Variants in CNTLN observed in about 807,000 individuals in gnomAD.
CNTLN encodes the protein centlein.
Under a neutral mutation model 180.0 loss-of-function variants are expected in CNTLN, and 212 were observed. The observed-to-expected ratio is 1.18, with a 90% CI of 1.05 to 1.32. CNTLN has a LOEUF of 1.32. Among genes scored for constraint, CNTLN ranks in the 40% most tolerant of loss-of-function variants. CNTLN has a pLI of 0.00. For synonymous variants in CNTLN, 722 were observed against 563.1 expected (o/e 1.28, Z -3.99); for missense variants, 2,095 against 1,610.9 (o/e 1.30, Z -5.14).
chr9:17,175,002 C>T lies in CNTLN; in HGVS notation c.449+31626C>T, dbSNP rs1272806225. 2.0e-5 allele frequency among the ~76,000 whole-genome samples: 3 copies of T among 152,164 alleles called. No individual in the cohort carries two copies. The East Asian group carries it at 5.8e-4, about 29-fold the overall frequency. On this transcript the variant is annotated intron_variant, in intron 2 of 25. Transcript: ENST00000380647. The stretch of plus-strand genomic sequence containing the variant: ...TTCCTATTTGGATTTCAAAAAATTA[C>T]TGTTGAGTTTTCAAAGTTCTTTTCA...
intron 18 of CNTLN, among the ~76,000 whole-genome samples, chr9:17,438,339 G>C (rs1252781701): frequency 1.3e-5 from 2 of 151,974 alleles, no homozygotes; most frequent in Non-Finnish European, 2.9e-5. Context: ...GAAATAGAAA[G>C]TTTTTTAAAA....
At chr9:17,506,528 G>A (rs939561169), downstream of CNTLN, among the ~76,000 whole-genome samples, 6 of 152,100 alleles carry the variant, frequency 3.9e-5, no homozygotes, top group Non-Finnish European at 7.4e-5. Flanking sequence ...ATGGGACAGC[G>A]GAAAGAGTGA....
chr9:17,135,050 G>A lies in CNTLN; in HGVS notation c.-16G>A, dbSNP rs757147321. On this transcript the variant is annotated 5_prime_UTR_variant, in exon 1 of 26. Coordinates refer to ENST00000380647, the MANE Select transcript of CNTLN (RefSeq NM_017738.4). ...GAGTTTCCAACAGGGAACTTGACCC[G>A]TTAGCAGCCGCAGCCATGGCGGCGC... is the stretch of plus-strand genomic sequence containing the variant. 8 of 1,588,556 alleles carry A rather than the reference G, an allele frequency of 5.0e-6. No individual in the cohort carries two copies. In the Admixed American group the frequency reaches 5.1e-5, roughly 10 times the overall value.
chr9:17,389,338 G>A (rs1394406163), intron 14 of CNTLN, among the ~76,000 whole-genome samples: 1 of 152,008 alleles, frequency 6.6e-6, no homozygotes, highest in Non-Finnish European at 1.5e-5. Flanking sequence ...GTTCACACTA[G>A]CTTATCACCG....
intron 15 of CNTLN, among the ~76,000 whole-genome samples, chr9:17,408,782 C>G (rs560405426): frequency 3.6e-5 from 5 of 138,710 alleles, no homozygotes; most frequent in African/African-American, 1.1e-4. Flanking sequence ...GCCTGGGTGA[C>G]AGAGCGAGAC....
At chr9:17,397,993 T>G (rs1826667260) in intron 15 of CNTLN, among the ~76,000 whole-genome samples, 1 of 152,046 alleles carries the variant, frequency 6.6e-6, no homozygotes, top group African/African-American at 2.4e-5. Context: ...GACAAAAATA[T>G]AAGAGTTACT....
downstream of CNTLN, among the ~76,000 whole-genome samples, chr9:17,506,050 T>C (rs1457735027): frequency 1.3e-5 from 2 of 149,502 alleles, no homozygotes; most frequent in Non-Finnish European, 3.0e-5. Context: ...TTTTGACAAA[T>C]GGTCCTGAAG....
At chr9:17,316,715 C>G (rs904847857) in intron 8 of CNTLN, among the ~76,000 whole-genome samples, 1 of 152,116 alleles carries the variant, frequency 6.6e-6, no homozygotes, top group Non-Finnish European at 1.5e-5. Flanking sequence ...TGTTTTGTTC[C>G]TCTTTTCCTC....
intron 5 of CNTLN, among the ~76,000 whole-genome samples, chr9:17,261,710 A>G (rs548803327): frequency 6.6e-6 from 1 of 151,436 alleles, no homozygotes; most frequent in Admixed American, 6.6e-5. Context: ...ACTATGTTGA[A>G]TAGGAGTGGT....
chr9:17,288,476 T>C (rs1829141366), intron 6 of CNTLN, among the ~76,000 whole-genome samples: 1 of 143,076 alleles, frequency 7.0e-6, no homozygotes, highest in Non-Finnish European at 1.5e-5. Context: ...GAAAAAAATG[T>C]ATATTCTGTT....
At chr9:17,444,757 G>C (rs561551168) in intron 18 of CNTLN, among the ~76,000 whole-genome samples, 1 of 152,274 alleles carries the variant, frequency 6.6e-6, no homozygotes, top group African/African-American at 2.4e-5. Context: ...GACCTACTTT[G>C]TTAGGTCAAG....
chr9:17,394,474 TA>T, intron 14 of CNTLN, 59 bp from the exon 15 acceptor site: 1 of 1,127,876 alleles, frequency 8.9e-7, no homozygotes, highest in Non-Finnish European at 1.2e-6. Flanking sequence ...TTAGAAATGG[TA>T]ATAAAGTATA....
intron 2 of CNTLN, among the ~76,000 whole-genome samples, chr9:17,173,263 T>C (rs188048994): frequency 1.6e-3 from 245 of 152,324 alleles, no homozygotes; most frequent in Admixed American, 0.013. Context: ...TCTTCTAACC[T>C]GATAGATGAA....
At chr9:17,279,527 A>G (rs1828526210) in intron 6 of CNTLN, among the ~76,000 whole-genome samples, 1 of 151,958 alleles carries the variant, frequency 6.6e-6, no homozygotes, top group Admixed American at 6.5e-5. Flanking sequence ...AGAACAGCCT[A>G]TTTCCACTAT....
chr9:17,373,773 T>C (rs1824525579), intron 13 of CNTLN, among the ~76,000 whole-genome samples: 1 of 152,098 alleles, frequency 6.6e-6, no homozygotes, highest in South Asian at 2.1e-4. Context: ...AATTGACACA[T>C]AGACCAATAG....
At chr9:17,306,146 ATT>A (rs572150057) in intron 7 of CNTLN, among the ~76,000 whole-genome samples, 43,241 of 127,342 alleles carry the variant, frequency 0.34, 6,479 homozygotes, top group South Asian at 0.5. Context: ...TTAGTCGTCT[ATT>A]TTTTTTTTTT....
intron 7 of CNTLN, among the ~76,000 whole-genome samples, chr9:17,305,060 A>G (rs1429395806): frequency 1.3e-5 from 2 of 152,184 alleles, no homozygotes; most frequent in South Asian, 2.1e-4. Context: ...GTTAAGATAT[A>G]TAAAATATCA....
At chr9:17,347,390 G>A (rs1821985847) in intron 12 of CNTLN, among the ~76,000 whole-genome samples, 1 of 152,050 alleles carries the variant, frequency 6.6e-6, no homozygotes, top group Admixed American at 6.5e-5. Flanking sequence ...AAATGTTGCT[G>A]GGGCACAGTG....
At chr9:17,435,621 C>T (rs147417004) in intron 18 of CNTLN, among the ~76,000 whole-genome samples, 129 of 150,144 alleles carry the variant, frequency 8.6e-4, no homozygotes, top group African/African-American at 2.7e-3. Context: ...AGTGCAGTGG[C>T]GCGATCTCGG....
Sources: allele counts gnomAD v4.1 joint callset (sites outside exome capture counted in the v4.1 genomes callset), GRCh38; gene constraint gnomAD v4.1.1; transcripts MANE v1.5; gene names NCBI Gene and HGNC (gene_info 2026-07-23, HGNC 2026-07-21).